The following GALNT14 variants were observed in gnomAD, a reference collection of about 807,000 sequenced individuals.
GALNT14 encodes the protein polypeptide N-acetylgalactosaminyltransferase 14, also known as UDP-GalNAc:polypeptide N-acetylgalactosaminyltransferase 14.
Under a neutral mutation model 77.5 loss-of-function variants are expected in GALNT14, and 60 were observed. The ratio of observed to expected loss-of-function variants is 0.77; its 90% confidence interval spans 0.63 to 0.96. GALNT14 has a LOEUF of 0.96. Among genes scored for constraint, GALNT14 ranks in the 40% least tolerant of loss-of-function variants. The probability of loss-of-function intolerance (pLI) is 0.00; values close to 1 mark genes in which losing one functional copy is unlikely to be tolerated. For synonymous variants in GALNT14, 280 were observed against 281.7 expected (o/e 0.99, Z 0.06); for missense variants, 710 against 731.0 (o/e 0.97, Z 0.33).
chr2:31,116,561 C>T (rs1268962808), intron 1 of GALNT14, among the ~76,000 whole-genome samples: 4 of 151,952 alleles, frequency 2.6e-5, no homozygotes, highest in African/African-American at 9.7e-5. Context: ...CAAAATAGCA[C>T]TAAAATATTA....
At chr2:31,057,339 C>T (rs1182729905) in intron 1 of GALNT14, among the ~76,000 whole-genome samples, 7 of 101,234 alleles carry the variant, frequency 6.9e-5, no homozygotes, top group South Asian at 3.7e-4. Context: ...TATATATACA[C>T]GTATATATAT....
the GALNT14 span, among the ~76,000 whole-genome samples, chr2:30,895,021 C>G: frequency 6.6e-6 from 1 of 152,208 alleles, no homozygotes; most frequent in South Asian, 2.1e-4. Flanking sequence ...CATGACCCCA[C>G]AGAAAGAGTT....
At chr2:31,071,874 C>A (rs547437703) in intron 1 of GALNT14, among the ~76,000 whole-genome samples, 2 of 152,302 alleles carry the variant, frequency 1.3e-5, no homozygotes, top group Admixed American at 1.3e-4. Flanking sequence ...AAGACAGCAA[C>A]AACAGAGCAT....
At chr2:30,912,515 C>T (rs1398810163) in intron 13 of GALNT14, among the ~76,000 whole-genome samples, 173 bp from the exon 14 acceptor site, 1 of 152,234 alleles carries the variant, frequency 6.6e-6, no homozygotes, top group African/African-American at 2.4e-5. Context: ...GCCAGAGACT[C>T]GGAGGTCATA....
At chr2:31,004,604 A>T (rs1201504447) in intron 1 of GALNT14, among the ~76,000 whole-genome samples, 1 of 152,188 alleles carries the variant, frequency 6.6e-6, no homozygotes, top group East Asian at 1.9e-4. Context: ...AATATCAGAG[A>T]AAGGAGGCCA....
chr2:31,024,806 A>ATGAAT (rs1458144009), intron 1 of GALNT14, among the ~76,000 whole-genome samples: 7 of 152,228 alleles, frequency 4.6e-5, no homozygotes, highest in Non-Finnish European at 1.0e-4. Flanking sequence ...GGCCCAAAGT[A>ATGAAT]TGAATTTTAT....
Position 30,945,885 on chromosome 2 carries a change from A to T in GALNT14, c.655-15T>A. ...CGCGTGTAGTCCTGTAAGACAACAG[A>T]CCCGCACTTAGCTTATGGAGAGGAG... On this transcript the variant is annotated splice_polypyrimidine_tract_variant and intron_variant, in intron 6 of 14. Transcript: ENST00000349752. 1 of 1,611,486 alleles carries T rather than the reference A, an allele frequency of 6.2e-7. No homozygotes were observed. The highest frequency in any genetic ancestry group is 1.1e-5 in the South Asian group (1 of 91,026).
At chr2:30,892,729 C>T in the GALNT14 span, among the ~76,000 whole-genome samples, 2 of 152,156 alleles carry the variant, frequency 1.3e-5, no homozygotes, top group Non-Finnish European at 2.9e-5. Context: ...CAACATTTGG[C>T]CCTGGTTAGG....
At chr2:31,069,879 C>T (rs1196783331) in intron 1 of GALNT14, among the ~76,000 whole-genome samples, 4 of 152,110 alleles carry the variant, frequency 2.6e-5, no homozygotes, top group Non-Finnish European at 4.4e-5. Context: ...TCCTCCATCT[C>T]GATGGGGTGA....
chr2:30,954,731 G>C (rs1376804178), intron 6 of GALNT14, among the ~76,000 whole-genome samples: 1 of 152,252 alleles, frequency 6.6e-6, no homozygotes, highest in East Asian at 1.9e-4. Context: ...GAGTGAGCAG[G>C]AAATAACCAC....
intron 1 of GALNT14, among the ~76,000 whole-genome samples, chr2:31,137,484 G>A (rs1040213320): frequency 6.6e-6 from 1 of 152,168 alleles, no homozygotes; most frequent in African/African-American, 2.4e-5. Context: ...GCGCTCGCCC[G>A]CAACGCACAG....
Position 31,090,307 on chromosome 2 carries a change from A to C in GALNT14, c.129+47651T>G, listed in dbSNP as rs79369599. Among the ~76,000 whole-genome samples the C allele has an allele frequency of 1.6e-3, 242 of 152,110 alleles. 5 individuals are homozygous for C. The East Asian group carries it at 0.016, about 10-fold the overall frequency. ...TAGGTACTTCCCCCACTGCACTCAGAGCTCCCTGGGACTGGAGCTGCATCT... is the reference window on the plus strand; with the variant it reads ...TAGGTACTTCCCCCACTGCACTCAGCGCTCCCTGGGACTGGAGCTGCATCT... On this transcript the variant is annotated intron_variant, in intron 1 of 14. Coordinates refer to ENST00000349752, the MANE Select transcript of GALNT14 (RefSeq NM_024572.4).
the GALNT14 span, among the ~76,000 whole-genome samples, chr2:30,887,555 T>A: frequency 6.6e-6 from 1 of 152,332 alleles, no homozygotes; most frequent in Admixed American, 6.5e-5. Flanking sequence ...CAGTTTTATT[T>A]CAGGTAAGTT....
chr2:30,986,044 G>C (rs957697656), intron 2 of GALNT14, among the ~76,000 whole-genome samples: 2 of 152,168 alleles, frequency 1.3e-5, no homozygotes, highest in African/African-American at 4.8e-5. Flanking sequence ...ACGAGAGGCT[G>C]GGCCACTGCC....
intron 1 of GALNT14, among the ~76,000 whole-genome samples, chr2:31,089,124 C>G (rs1299590266): frequency 6.6e-6 from 1 of 152,138 alleles, no homozygotes; most frequent in African/African-American, 2.4e-5. Context: ...CTCTGTAGAT[C>G]TAAACTCTAA....
intron 2 of GALNT14, among the ~76,000 whole-genome samples, chr2:30,983,328 G>A (rs966808270): frequency 1.3e-5 from 2 of 152,092 alleles, no homozygotes; most frequent in Non-Finnish European, 2.9e-5. Context: ...TGTTGTTGTT[G>A]TTGTTTTTAC....
intron 1 of GALNT14, among the ~76,000 whole-genome samples, chr2:31,136,606 G>A (rs1679238444): frequency 6.6e-6 from 1 of 152,194 alleles, no homozygotes; most frequent in South Asian, 2.1e-4. Context: ...CACAATAGGT[G>A]CTAAATAAAT....
chr2:31,039,981 T>C (rs1248461344), intron 1 of GALNT14, among the ~76,000 whole-genome samples: 1 of 152,186 alleles, frequency 6.6e-6, no homozygotes, highest in Non-Finnish European at 1.5e-5. Flanking sequence ...CACATCTCCC[T>C]TTTCACTTTG....
chr2:30,942,793 T>C (rs967289674), intron 8 of GALNT14, among the ~76,000 whole-genome samples: 4 of 152,006 alleles, frequency 2.6e-5, no homozygotes, highest in South Asian at 2.1e-4. Flanking sequence ...CTCTCTCTCC[T>C]TTTTTTTCCC....
Sources: allele counts gnomAD v4.1 joint callset (sites outside exome capture counted in the v4.1 genomes callset), GRCh38; gene constraint gnomAD v4.1.1; transcripts MANE v1.5; gene names NCBI Gene and HGNC (gene_info 2026-07-23, HGNC 2026-07-21).